The following SLC25A13 variants were observed in gnomAD, a reference collection of about 807,000 sequenced individuals.
The protein encoded by SLC25A13 is solute carrier family 25 member 13.
SLC25A13 carries 70 observed loss-of-function variants against 85.5 expected under a neutral mutation model. The observed-to-expected ratio is 0.82, with a 90% confidence interval of 0.68 to 1.00. SLC25A13 has a LOEUF of 1.00. SLC25A13 is among the 50% of genes least tolerant of loss of function. The pLI, the probability that SLC25A13 is intolerant of heterozygous loss-of-function variation, is 0.00. For synonymous variants in SLC25A13, 259 were observed against 288.7 expected (o/e 0.90, Z 1.04); for missense variants, 765 against 819.8 (o/e 0.93, Z 0.82).
intron 14 of SLC25A13, 26 bp from the exon 15 acceptor site, chr7:96,131,907 C>A (rs1465746341): frequency 6.2e-7 from 1 of 1,613,708 alleles, no homozygotes; most frequent in Non-Finnish European, 8.5e-7. Context: ...GGAAGAAAAA[C>A]CACATGAAAC....
At chr7:96,242,964 TCTGA>T (rs1797048666) in intron 3 of SLC25A13, among the ~76,000 whole-genome samples, 1 of 152,084 alleles carries the variant, frequency 6.6e-6, no homozygotes, top group Non-Finnish European at 1.5e-5. Flanking sequence ...TATTTTACAG[TCTGA>T]CTCTTTTTTT....
intron 9 of SLC25A13, among the ~76,000 whole-genome samples, chr7:96,187,410 C>A (rs1794681500): frequency 6.6e-6 from 1 of 152,176 alleles, no homozygotes; most frequent in African/African-American, 2.4e-5. Flanking sequence ...AAATATGCCT[C>A]TTTAAGATAC....
At chr7:96,258,256 A>G (rs1797715037) in intron 3 of SLC25A13, among the ~76,000 whole-genome samples, 1 of 152,096 alleles carries the variant, frequency 6.6e-6, no homozygotes, top group Non-Finnish European at 1.5e-5. Flanking sequence ...GGGTATTTAA[A>G]TGGAAGAGAG....
In SLC25A13 at chr7:96,308,986, G is replaced by A. The variant is rs558804131; in HGVS notation, c.16-12035C>T. 3.9e-5 allele frequency among the ~76,000 whole-genome samples: 6 copies of A among 152,302 alleles called. No homozygotes were observed. In the East Asian group the frequency reaches 9.7e-4, roughly 25 times the overall value. Reference sequence around the variant, plus strand: ...CACCATAAAAAAAGAATCTAGGACTGAGCTTTCACTTCTGGAACTGAGCTG... The same window carrying A: ...CACCATAAAAAAAGAATCTAGGACTAAGCTTTCACTTCTGGAACTGAGCTG... On this transcript the variant is annotated intron_variant, in intron 1 of 17. Transcript: ENST00000265631.
chr7:96,288,913 T>C lies in SLC25A13; in HGVS notation c.69+7985A>G, dbSNP rs1799000417. Among the ~76,000 whole-genome samples, 3 of 152,142 alleles carry C rather than the reference T, an allele frequency of 2.0e-5. No individual in the cohort carries two copies. In the South Asian group the frequency reaches 6.2e-4, roughly 31 times the overall value. On this transcript the variant is annotated intron_variant, in intron 2 of 17. Coordinates refer to ENST00000265631, the MANE Select transcript of SLC25A13 (RefSeq NM_014251.3). The stretch of plus-strand genomic sequence containing the variant: ...TGTCTGACAGCTTTGAAGAGAGTAG[T>C]GGTTCTCCCAGCACAGGGTTTGAGA...
At chr7:96,157,055 C>A (rs149819835) in intron 13 of SLC25A13, among the ~76,000 whole-genome samples, 1 of 152,102 alleles carries the variant, frequency 6.6e-6, no homozygotes, top group African/African-American at 2.4e-5. Context: ...TAATTTGTAT[C>A]GGAAGTCCAT....
At chr7:96,245,726 C>T (rs1227287728) in intron 3 of SLC25A13, among the ~76,000 whole-genome samples, 2 of 152,118 alleles carry the variant, frequency 1.3e-5, no homozygotes, top group Non-Finnish European at 2.9e-5. Context: ...AAACAAAAAA[C>T]ACCATAAATA....
chr7:96,151,528 C>T (rs182129835), intron 13 of SLC25A13, among the ~76,000 whole-genome samples: 10 of 151,378 alleles, frequency 6.6e-5, no homozygotes, highest in South Asian at 4.2e-4. Context: ...ACTCGGGAGG[C>T]GGAGATTTCA....
At chr7:96,140,219 A>G (rs1349745809) in intron 14 of SLC25A13, among the ~76,000 whole-genome samples, 1 of 149,116 alleles carries the variant, frequency 6.7e-6, no homozygotes, top group African/African-American at 2.5e-5. Context: ...CGGCCTCCCA[A>G]AGTGCTGGGA....
chr7:96,175,415 C>A (rs1279091052), intron 11 of SLC25A13, among the ~76,000 whole-genome samples: 3 of 152,180 alleles, frequency 2.0e-5, no homozygotes, highest in Admixed American at 6.5e-5. Flanking sequence ...GGGGAGCACT[C>A]GCTATATCCA....
At position 96,146,693 on chromosome 7, in the gene SLC25A13, C is replaced by T. The variant is rs1224721746; in HGVS notation, c.1315G>A (p.Gly439Arg). ...TTTGTGAAAATCACCTGGGAGCCTC[C>T]AGCCTAAAAAGAACAAAAAAGATTT... The part of the protein sequence containing the change: ...AAEILAGGCA[G>R]GSQVIFTNPL... Residue 439 changes from glycine to arginine, a missense_variant, in exon 14 of 18, where the codon GGA (glycine) becomes AGA (arginine). By Grantham distance (125) the Gly-to-Arg change is moderately radical (BLOSUM62 -2). Transcript: ENST00000265631. 6.2e-7 allele frequency: 1 copy of T among 1,613,956 alleles called. No homozygotes were observed. Among genetic ancestry groups the T allele is most frequent in the Admixed American group, 1.7e-5 (1 of 60,000 alleles).
chr7:96,239,034 ATT>A (rs1400628776), intron 3 of SLC25A13, among the ~76,000 whole-genome samples: 4 of 88,452 alleles, frequency 4.5e-5, no homozygotes, highest in Admixed American at 3.2e-4. Context: ...ATGACTATAT[ATT>A]TTATATATAT....
At chr7:96,240,936 G>A (rs1796946929) in intron 3 of SLC25A13, among the ~76,000 whole-genome samples, 1 of 124,276 alleles carries the variant, frequency 8.0e-6, no homozygotes, top group Non-Finnish European at 1.6e-5. Flanking sequence ...GAGGAGATGC[G>A]ATGGCAGAAT....
intron 14 of SLC25A13, among the ~76,000 whole-genome samples, chr7:96,137,994 T>C (rs1340233748): frequency 1.3e-5 from 2 of 152,188 alleles, no homozygotes; most frequent in Non-Finnish European, 2.9e-5. Context: ...ACCACTTTTT[T>C]TGCTATTCAT....
At chr7:96,295,274 G>C (rs1013217329) in intron 2 of SLC25A13, among the ~76,000 whole-genome samples, 1 of 152,158 alleles carries the variant, frequency 6.6e-6, no homozygotes, top group Admixed American at 6.5e-5. Flanking sequence ...ACCTGAACCC[G>C]GGAGGTGGAG....
rs912384963 is a variant in SLC25A13 at position 96,131,592 on chromosome 7, C to T, written c.1591+151G>A. ...GCCAGAATGAAGATTAATTTTTTCCCTTTTTTTTCAGTAGCTCTTCAATCT... is the reference window on the plus strand; with the variant it reads ...GCCAGAATGAAGATTAATTTTTTCCTTTTTTTTTCAGTAGCTCTTCAATCT... On this transcript the variant is annotated intron_variant, in intron 15 of 17. Transcript: ENST00000265631. The T allele has an allele frequency of 1.5e-5, 14 of 959,852 alleles. No individual in the cohort carries two copies. In the African/African-American group the frequency reaches 2.3e-4, roughly 16 times the overall value. The allele number at this position is 959,852 out of a possible 1,614,324, so 59.5% of individuals were successfully genotyped here.
Position 96,170,069 on chromosome 7 carries a change from T to G in SLC25A13, c.1287A>C (p.Ala429=). ...CGCAGCCTCCAGCAAGAATTTCTGC[T>G]GCAAGTGGGACCGAACCATCTTTGT... ...FMHKDGSVPL[A]AEILAGGCAG... Residue 429 remains alanine, a synonymous_variant, in exon 13 of 18, where the codon GCA becomes GCC. Coordinates refer to ENST00000265631, the MANE Select transcript of SLC25A13 (RefSeq NM_014251.3). 1 of 1,614,218 alleles carries G rather than the reference T, an allele frequency of 6.2e-7. No homozygotes were observed. The highest frequency in any genetic ancestry group is 8.5e-7 in the Non-Finnish European group (1 of 1,180,030).
chr7:96,294,458 A>T (rs1487771552), intron 2 of SLC25A13, among the ~76,000 whole-genome samples: 1 of 152,014 alleles, frequency 6.6e-6, no homozygotes, highest in African/African-American at 2.4e-5. Flanking sequence ...ACAATACAAA[A>T]ATTAACTAGG....
chr7:96,195,365 C>G (rs1052947114), intron 5 of SLC25A13, among the ~76,000 whole-genome samples: 2 of 152,134 alleles, frequency 1.3e-5, no homozygotes, highest in African/African-American at 4.8e-5. Context: ...GTCCCTTAGG[C>G]CTTTGAAAGT....
Sources: allele counts gnomAD v4.1 joint callset (sites outside exome capture counted in the v4.1 genomes callset), GRCh38; gene constraint gnomAD v4.1.1; transcripts MANE v1.5; gene names NCBI Gene and HGNC (gene_info 2026-07-23, HGNC 2026-07-21).